Variants in SUGP1 observed in about 807,000 individuals in gnomAD.
The protein encoded by SUGP1 is SURP and G-patch domain-containing protein 1.
A neutral mutation model predicts 76.5 loss-of-function variants in SUGP1; 34 were observed. The ratio of observed to expected loss-of-function variants is 0.44; its 90% CI spans 0.34 to 0.59. SUGP1 has a LOEUF of 0.59. SUGP1 is among the 20% of genes least tolerant of loss of function. SUGP1 has a pLI of 0.01. For missense variants in SUGP1, 752 were observed against 851.7 expected, an observed-to-expected ratio of 0.88 and a Z score of 1.46; for synonymous variants, 326 against 326.2, an observed-to-expected ratio of 1.00 and a Z score of 0.01.
rs2061067128 is a variant in SUGP1, at chr19:19,277,978, G to C, written c.1636-99C>G. ...TTGGTTTCAATCAGTGCTGGGACCAGTGGCCCATCTGCCTCCCTCTCACCA... is the reference window on the plus strand; with the variant it reads ...TTGGTTTCAATCAGTGCTGGGACCACTGGCCCATCTGCCTCCCTCTCACCA... On this transcript the variant is annotated intron_variant, in intron 11 of 13. Coordinates refer to ENST00000247001, the MANE Select transcript of SUGP1 (RefSeq NM_172231.4). 3 of 1,435,848 alleles carry C rather than the reference G, an allele frequency of 2.1e-6. No individual in the cohort carries two copies. The Admixed American group carries it at 5.6e-5, about 27-fold the overall frequency. The allele number at this position is 1,435,848 out of a possible 1,614,324, so 88.9% of individuals were successfully genotyped here. A position where few individuals can be genotyped will look rare whatever the true frequency, so the allele number is the denominator to read the frequency against.
intron 1 of SUGP1, 24 bp from the exon 2 acceptor site, chr19:19,316,617 C>T (rs184142116): frequency 6.3e-5 from 101 of 1,612,288 alleles, no homozygotes; most frequent in African/African-American, 1.5e-4. Context: ...AGGAGTACGT[C>T]GGAAATCACC....
At chr19:19,284,882 T>G (rs1455909707) in intron 8 of SUGP1, among the ~76,000 whole-genome samples, 4 of 151,940 alleles carry the variant, frequency 2.6e-5, no homozygotes, top group Non-Finnish European at 4.4e-5. Context: ...TTTGTTTTTT[T>G]TTTTTTTTTT....
chr19:19,288,188 T>C (rs942401508), intron 8 of SUGP1, among the ~76,000 whole-genome samples: 2 of 152,068 alleles, frequency 1.3e-5, no homozygotes, highest in Admixed American at 6.6e-5. Flanking sequence ...CTGGTTGCTC[T>C]GTTTGGACCC....
intron 8 of SUGP1, among the ~76,000 whole-genome samples, chr19:19,285,375 C>T (rs887866003): frequency 6.6e-6 from 1 of 152,004 alleles, no homozygotes; most frequent in African/African-American, 2.4e-5. Context: ...CCATGTTGGC[C>T]AGGCTGGTTT....
At position 19,294,367 on chromosome 19, in the gene SUGP1, T is replaced by C. The variant is rs184121166; in HGVS notation, c.1243+2622A>G. 5.3e-5 allele frequency among the ~76,000 whole-genome samples: 8 copies of C among 151,902 alleles called. No individual in the cohort carries two copies. In the South Asian group the frequency reaches 6.2e-4, roughly 12 times the overall value. ...GGTGAAACTCCATCTCTACAAAAAGTACAAAAGTTAGCCAGGTGTGCTGGC... is the reference window on the plus strand; with the variant it reads ...GGTGAAACTCCATCTCTACAAAAAGCACAAAAGTTAGCCAGGTGTGCTGGC... On this transcript the variant is annotated intron_variant, in intron 8 of 13. Coordinates refer to ENST00000247001, the MANE Select transcript of SUGP1 (RefSeq NM_172231.4).
intron 3 of SUGP1, among the ~76,000 whole-genome samples, chr19:19,307,037 T>G (rs2061322957): frequency 1.3e-5 from 2 of 151,898 alleles, no homozygotes; most frequent in Middle Eastern, 3.4e-3. Flanking sequence ...GCTCTGCACT[T>G]GGGGACCTCA....
intron 8 of SUGP1, among the ~76,000 whole-genome samples, chr19:19,284,613 C>T (rs1482411041): frequency 6.6e-6 from 1 of 152,166 alleles, no homozygotes; most frequent in Non-Finnish European, 1.5e-5. Context: ...AATGACACAC[C>T]TACAAGGTTT....
chr19:19,278,757 TG>T lies in SUGP1; in HGVS notation c.1567del (p.His523ThrfsTer22). ...EQLTKMGRGK[H>X]FIGDFLPPDE... ...TGGAGGCAGGAAGTCTCCGATGAAG[TG>T]CTTGCCCCGGCCCATCTTTGTCAGC... On this transcript the variant is annotated frameshift_variant, in exon 11 of 14. Transcript: ENST00000247001. LOFTEE classifies it high-confidence loss of function. 6.2e-7 allele frequency: 1 copy of T among 1,613,972 alleles called. No individual in the cohort carries two copies. The highest frequency in any genetic ancestry group is 8.5e-7 in the Non-Finnish European group (1 of 1,179,968).
At chr19:19,310,276 A>G in intron 2 of SUGP1, 76 bp from the exon 3 acceptor site, 1 of 1,141,164 alleles carries the variant, frequency 8.8e-7, no homozygotes, top group Non-Finnish European at 1.3e-6. Context: ...GAGGATGAGG[A>G]TGAGGCCATC....
At chr19:19,291,933 A>AC (rs71170610) in intron 8 of SUGP1, among the ~76,000 whole-genome samples, 3,338 of 146,464 alleles carry the variant, frequency 0.023, 60 homozygotes, top group East Asian at 0.052. Context: ...ACACACACAC[A>AC]AAAGGGCCAA....
chr19:19,303,177 G>A (rs2061285127), intron 6 of SUGP1, among the ~76,000 whole-genome samples, 171 bp downstream of exon 6: 1 of 152,196 alleles, frequency 6.6e-6, no homozygotes, highest in Non-Finnish European at 1.5e-5. Flanking sequence ...TGAGGGGGAA[G>A]GTGGTGTCAG....
chr19:19,278,935 A>G, intron 10 of SUGP1, 139 bp from the exon 11 acceptor site: 1 of 872,334 alleles, frequency 1.1e-6, no homozygotes, highest in African/African-American at 1.7e-5. Flanking sequence ...CCATGACCCC[A>G]GCCCGAGCCT....
intron 8 of SUGP1, among the ~76,000 whole-genome samples, chr19:19,285,542 G>A (rs2061132946): frequency 6.6e-6 from 1 of 152,110 alleles, no homozygotes; most frequent in Non-Finnish European, 1.5e-5. Flanking sequence ...GTAAGGAAGA[G>A]GAGCAAACAC....
At chr19:19,287,416 GC>G (rs2061149576) in intron 8 of SUGP1, among the ~76,000 whole-genome samples, 2 of 152,068 alleles carry the variant, frequency 1.3e-5, no homozygotes, top group Non-Finnish European at 2.9e-5. Context: ...CAAAAAATTA[GC>G]CGGGCATGGT....
At chr19:19,318,109 C>T (rs1366745513) in intron 1 of SUGP1, among the ~76,000 whole-genome samples, 20 of 98,506 alleles carry the variant, frequency 2.0e-4, no homozygotes, top group African/African-American at 1.0e-3. Context: ...CCGAACCCAG[C>T]CTTCTTTTTT....
In SUGP1 at chr19:19,303,392, T is replaced by C. The variant is rs1461507420; in HGVS notation, c.719A>G (p.Glu240Gly). Residue 240 changes from glutamate to glycine, a missense_variant, in exon 6 of 14, where the codon GAG (glutamate) becomes GGG (glycine). Around this residue, in one of 2 missense-constraint regions of SUGP1, gnomAD observed 620 missense variants for 617.3 expected, o/e 1.00. Coordinates refer to ENST00000247001, the MANE Select transcript of SUGP1 (RefSeq NM_172231.4). ...EFLYYRKKVA[E>G]IRKEAQKSQA... ...CGACTTCTGTGCTTCCTTTCTTATC[T>C]CAGCCACCTTCTTCCTGTAGTAGAG... 1.9e-6 allele frequency: 3 copies of C among 1,614,144 alleles called. No homozygotes were observed. Among genetic ancestry groups the C allele is most frequent in the East Asian group, 4.5e-5 (2 of 44,884 alleles).
chr19:19,289,488 C>A (rs1413215243), intron 8 of SUGP1, among the ~76,000 whole-genome samples: 4 of 152,134 alleles, frequency 2.6e-5, no homozygotes, highest in African/African-American at 9.7e-5. Context: ...TGGCTCACGC[C>A]TGTAATCCTA....
At chr19:19,297,503 G>C (rs558774969) in intron 7 of SUGP1, among the ~76,000 whole-genome samples, 159 bp from the exon 8 acceptor site, 1 of 152,090 alleles carries the variant, frequency 6.6e-6, no homozygotes, top group East Asian at 1.9e-4. Flanking sequence ...TGCCCTGCCA[G>C]GCCTCCTGGC....
chr19:19,289,031 A>C (rs1049590511), intron 8 of SUGP1, among the ~76,000 whole-genome samples: 2 of 151,546 alleles, frequency 1.3e-5, no homozygotes, highest in Non-Finnish European at 2.9e-5. Context: ...TGATCTGTCC[A>C]CCTCAGCCTT....
Sources: allele counts gnomAD v4.1 joint callset (sites outside exome capture counted in the v4.1 genomes callset), GRCh38; gene constraint gnomAD v4.1.1; regional missense constraint gnomAD v4.1.1; transcripts MANE v1.5; gene names NCBI Gene and HGNC (gene_info 2026-07-23, HGNC 2026-07-21).